Variants in MLLT1 observed in about 807,000 individuals in gnomAD.
MLLT1 encodes protein ENL.
Under a neutral mutation model 55.1 loss-of-function variants are expected in MLLT1, and 11 were observed. That is an observed-to-expected ratio of 0.20 (90% CI 0.13 to 0.33). MLLT1 has a LOEUF of 0.33. Ranked by LOEUF, MLLT1 falls within the 10% of genes least tolerant of loss-of-function variation. MLLT1 has a pLI of 1.00. For synonymous variants in MLLT1, 323 were observed against 320.1 expected, an observed-to-expected ratio of 1.01 and a Z score of -0.10; for missense variants, 536 against 760.6, an observed-to-expected ratio of 0.70 and a Z score of 3.47.
At chr19:6,224,050 C>T (rs773625489) in intron 5 of MLLT1, among the ~76,000 whole-genome samples, 70 of 152,154 alleles carry the variant, frequency 4.6e-4, no homozygotes, top group African/African-American at 1.6e-3. Flanking sequence ...CAAAGACATG[C>T]GGGAGGGGCA....
Position 6,240,587 on chromosome 19 carries a change from C to T in MLLT1, c.277-9874G>A, listed in dbSNP as rs565775081. Among the ~76,000 whole-genome samples, 24 of 152,298 alleles carry T rather than the reference C, an allele frequency of 1.6e-4. No individual in the cohort carries two copies. The East Asian group carries it at 4.4e-3, about 28-fold the overall frequency. On this transcript the variant is annotated intron_variant, in intron 3 of 11. Coordinates refer to ENST00000252674, the MANE Select transcript of MLLT1 (RefSeq NM_005934.4). This position sits in a 1 kb window ranked among gnomAD's most constrained non-coding sequence, Gnocchi z 4.7. ...TGGCCCAGAGACCCCCGGGATACAC[C>T]GTTGGGAGAAGAAAGCAAACCACGA...
chr19:6,215,977 C>A (rs1174984238), intron 8 of MLLT1, among the ~76,000 whole-genome samples: 2 of 152,190 alleles, frequency 1.3e-5, no homozygotes, highest in Non-Finnish European at 2.9e-5. Context: ...TCCGCTGCCC[C>A]AGGACGGGCT....
At position 6,258,241 on chromosome 19, in the gene MLLT1, CCAAA is replaced by C. The variant is rs144016173; in HGVS notation, c.276+3983_276+3986del. ...CCCATAGCAAATGGGTAGAAACAGC[CCAAA>C]CGTCTATCCACAGATGAATGGATAA... is the stretch of plus-strand genomic sequence containing the variant. On this transcript the variant is annotated intron_variant, in intron 3 of 11. Coordinates refer to ENST00000252674, the MANE Select transcript of MLLT1 (RefSeq NM_005934.4). Among the ~76,000 whole-genome samples, 1,316 of 152,142 alleles carry C rather than the reference CCAAA, an allele frequency of 8.6e-3. 66 individuals carry two copies. The East Asian group carries it at 0.14, about 16-fold the overall frequency.
chr19:6,252,971 T>C (rs1463105787), intron 3 of MLLT1, among the ~76,000 whole-genome samples: 2 of 151,852 alleles, frequency 1.3e-5, no homozygotes, highest in African/African-American at 4.8e-5. Flanking sequence ...TAAAATTGAA[T>C]CAAGAAGTAG....
chr19:6,266,276 C>CAA (rs35972478), intron 2 of MLLT1, among the ~76,000 whole-genome samples: 19 of 73,520 alleles, frequency 2.6e-4, no homozygotes, highest in Non-Finnish European at 3.1e-4. Flanking sequence ...ATTCTGTCTC[C>CAA]AAAAAAAAAA....
At position 6,211,584 on chromosome 19, in the gene MLLT1, G is replaced by T; in HGVS notation, c.*1458C>A. On this transcript the variant is annotated 3_prime_UTR_variant, in exon 12 of 12. Transcript: ENST00000252674. The surrounding 1 kb of genome is among the most constrained non-coding windows in gnomAD (Gnocchi z 4.6). The stretch of plus-strand genomic sequence containing the variant: ...GAGACATCTAGGTGGGTTCGAGGGG[G>T]TGCGAGCCCACCTCCAGGCCCTCAG... 9.4e-7 allele frequency: 1 copy of T among 1,064,066 alleles called. No homozygotes were observed. Among genetic ancestry groups the T allele is most frequent in the Non-Finnish European group, 1.1e-6 (1 of 877,960 alleles). 65.9% of individuals were successfully genotyped at this position (1,064,066 alleles called of 1,614,324 possible).
intron 7 of MLLT1, 78 bp from the exon 8 acceptor site, chr19:6,216,591 CCACGCAGAGCTTCTTGA>C: frequency 2.0e-6 from 2 of 1,012,758 alleles, no homozygotes; most frequent in East Asian, 5.3e-5. Context: ...GCCCATGAGG[CCACGCAGAGCTTCTTGA>C]CACTGGTGAC....
chr19:6,255,370 G>GT (rs1174336209), intron 3 of MLLT1, among the ~76,000 whole-genome samples: 5 of 152,146 alleles, frequency 3.3e-5, no homozygotes, highest in Non-Finnish European at 7.3e-5. Flanking sequence ...GCACACGTCC[G>GT]TAATTCCAGC....
chr19:6,279,197 G>A lies in MLLT1; in HGVS notation c.12+576C>T, dbSNP rs545932130. ...GGGGACGCCTCATATCTGAGCTGAGGTTGAAGGGAAGACAGACAGCAGGTT... is the reference window on the plus strand; with the variant it reads ...GGGGACGCCTCATATCTGAGCTGAGATTGAAGGGAAGACAGACAGCAGGTT... On this transcript the variant is annotated intron_variant, in intron 1 of 11. Transcript: ENST00000252674. 5.3e-5 allele frequency among the ~76,000 whole-genome samples: 8 copies of A among 152,238 alleles called. No homozygotes were observed. In the South Asian group the frequency reaches 8.3e-4, roughly 16 times the overall value.
chr19:6,279,529 C>G (rs1376403313), intron 1 of MLLT1, among the ~76,000 whole-genome samples: 2 of 151,878 alleles, frequency 1.3e-5, no homozygotes, highest in East Asian at 3.9e-4. Context: ...GGGGGGTCAC[C>G]AGGGGCGTCC....
chr19:6,266,389 G>C (rs2091349560), intron 2 of MLLT1, among the ~76,000 whole-genome samples: 1 of 151,808 alleles, frequency 6.6e-6, no homozygotes, highest in Non-Finnish European at 1.5e-5. Flanking sequence ...ACTGTGAGAA[G>C]AGAATAATGG....
intron 3 of MLLT1, among the ~76,000 whole-genome samples, chr19:6,252,303 G>A (rs1366468942): frequency 6.6e-6 from 1 of 152,172 alleles, no homozygotes; most frequent in Non-Finnish European, 1.5e-5. Flanking sequence ...TGAGCTTGAG[G>A]GGAGCTGTGC....
chr19:6,239,237 G>A lies in MLLT1; in HGVS notation c.277-8524C>T, dbSNP rs118183650. Reference sequence around the variant, plus strand: ...TCCGGCAAGAAAGCAAGGGAAGACAGAAATGTGGAAAAAAGACGCCCAAGA... The same window carrying A: ...TCCGGCAAGAAAGCAAGGGAAGACAAAAATGTGGAAAAAAGACGCCCAAGA... On this transcript the variant is annotated intron_variant, in intron 3 of 11. Coordinates refer to ENST00000252674, the MANE Select transcript of MLLT1 (RefSeq NM_005934.4). Among the ~76,000 whole-genome samples, 320 of 152,322 alleles carry A rather than the reference G, an allele frequency of 2.1e-3. 1 individual carries two copies. Among genetic ancestry groups the A allele is most frequent in the Non-Finnish European group, 3.4e-3 (228 of 68,030 alleles).
At chr19:6,232,802 A>G (rs1656529763) in intron 3 of MLLT1, among the ~76,000 whole-genome samples, 1 of 152,210 alleles carries the variant, frequency 6.6e-6, no homozygotes, top group South Asian at 2.1e-4. Flanking sequence ...AACACTGTGA[A>G]TGTACTAAAA....
rs2090989807 is a variant in MLLT1, at chr19:6,229,732, TGCCACACAC to T, written c.420+829_420+837del. Among the ~76,000 whole-genome samples, 1 of 150,028 alleles carries T rather than the reference TGCCACACAC, an allele frequency of 6.7e-6. No individual in the cohort carries two copies. The highest frequency in any genetic ancestry group is 1.5e-5 in the Non-Finnish European group (1 of 67,470). On this transcript the variant is annotated intron_variant, in intron 4 of 11. Coordinates refer to ENST00000252674, the MANE Select transcript of MLLT1 (RefSeq NM_005934.4). The surrounding 1 kb of genome is among the most constrained non-coding windows in gnomAD (Gnocchi z 5.2). ...ACACCACACCCCTACATGCCACACA[TGCCACACAC>T]TGTACATGCCACACCCCACACATAC...
chr19:6,243,134 T>C (rs1276697973), intron 3 of MLLT1, among the ~76,000 whole-genome samples: 2 of 152,160 alleles, frequency 1.3e-5, no homozygotes, highest in African/African-American at 4.8e-5. Flanking sequence ...TAAAGTCTGC[T>C]GGGAACGTAA....
intron 2 of MLLT1, among the ~76,000 whole-genome samples, chr19:6,265,927 C>T (rs375579182): frequency 4.0e-5 from 6 of 151,610 alleles, no homozygotes; most frequent in African/African-American, 1.5e-4. Flanking sequence ...TGCAGTGAGC[C>T]GAGAACGCGC....
chr19:6,231,293 G>A lies in MLLT1; in HGVS notation c.277-580C>T, dbSNP rs936310574. Among the ~76,000 whole-genome samples the A allele has an allele frequency of 1.3e-5, 2 of 152,180 alleles. No homozygotes were observed. The highest frequency in any genetic ancestry group is 2.9e-5 in the Non-Finnish European group (2 of 68,030). ...CCCCAGAAGACAGGGACGCTCGCCT[G>A]GCATGGGGCAGGCGCTGATGGATTT... On this transcript the variant is annotated intron_variant, in intron 3 of 11. Transcript: ENST00000252674. The surrounding 1 kb of genome is among the most constrained non-coding windows in gnomAD (Gnocchi z 5.1).
intron 7 of MLLT1, chr19:6,216,723 C>T: frequency 3.5e-6 from 2 of 573,124 alleles, no homozygotes; most frequent in Non-Finnish European, 6.2e-6. Context: ...CTGGCTCCCC[C>T]ACCCCTCCCT....
Sources: allele counts gnomAD v4.1 joint callset (sites outside exome capture counted in the v4.1 genomes callset), GRCh38; gene constraint gnomAD v4.1.1; non-coding constraint Gnocchi (gnomAD v3.1); transcripts MANE v1.5; gene names NCBI Gene and HGNC (gene_info 2026-07-23, HGNC 2026-07-21).